MIER3: variants seen among roughly 807,000 people sequenced by gnomAD.
MIER3 encodes the protein mesoderm induction early response protein 3.
Under a neutral mutation model 63.2 loss-of-function variants are expected in MIER3, and 9 were observed. That is an observed-to-expected ratio of 0.14 (90% CI 0.09 to 0.25). The LOEUF is 0.25. MIER3 is among the 10% of genes least tolerant of loss of function. MIER3 has a pLI of 1.00. For synonymous variants in MIER3, 205 were observed against 224.9 expected (o/e 0.91, Z 0.79); for missense variants, 512 against 666.2 (o/e 0.77, Z 2.55).
Position 56,920,593 on chromosome 5 carries a change from C to G in MIER3, c.*2535G>C, listed in dbSNP as rs1252407246. 3 of 151,968 alleles carry G rather than the reference C, an allele frequency of 2.0e-5. No homozygotes were observed. Among genetic ancestry groups the G allele is most frequent in the Non-Finnish European group, 4.4e-5 (3 of 67,818 alleles). 9.4% of individuals were successfully genotyped at this position (151,968 alleles called of 1,614,324 possible). ...ATGCAATTCTTTTAATAAACAGTAA[C>G]AAATTCTCTGTTAAGATGTTTAAAC... On this transcript the variant is annotated 3_prime_UTR_variant, in exon 13 of 13. Coordinates refer to ENST00000381199, the MANE Select transcript of MIER3 (RefSeq NM_001297599.2).
chr5:56,941,022 T>C, intron 3 of MIER3: 1 of 985,256 alleles, frequency 1.0e-6, no homozygotes. Flanking sequence ...ATGGTCCACC[T>C]TCCCATCATT....
At chr5:56,951,127 G>T (rs574280668) in intron 1 of MIER3, among the ~76,000 whole-genome samples, 1 of 152,140 alleles carries the variant, frequency 6.6e-6, no homozygotes, top group Non-Finnish European at 1.5e-5. Context: ...CTCCGAAGCC[G>T]ATCTCTTCCC....
In MIER3 at chr5:56,947,057, A is replaced by G. The variant is rs1313473322; in HGVS notation, c.49T>C (p.Ser17Pro). The part of the protein sequence containing the change: ...GSSSPVGSLS[S>P]EDHDFDPTAE... ...GTGGGGTCAAAATCATGATCCTCAG[A>G]AGACAAAGACCCAACTGGAATAAAA... The change falls in exon 3 of 13, where the codon TCT (serine) becomes CCT (proline). Residue 17 changes from serine to proline, a missense_variant. This residue lies in a region of MIER3 where 98 missense variants were observed against 107.4 expected (regional missense o/e 0.91). Transcript: ENST00000381199. 6.2e-7 allele frequency: 1 copy of G among 1,607,438 alleles called. No homozygotes were observed. The highest frequency in any genetic ancestry group is 1.7e-5 in the Admixed American group (1 of 58,352).
chr5:56,932,686 G>A (rs73136984), intron 8 of MIER3, among the ~76,000 whole-genome samples: 15 of 152,258 alleles, frequency 9.9e-5, no homozygotes, highest in African/African-American at 3.6e-4. Context: ...AGAGTATTCT[G>A]AATCTACAGG....
chr5:56,933,146 A>G, intron 8 of MIER3, 101 bp downstream of exon 8: 1 of 1,261,394 alleles, frequency 7.9e-7, no homozygotes, highest in Non-Finnish European at 1.1e-6. Context: ...CTCTTATCAG[A>G]AAAGATATCT....
At chr5:56,925,278 GAAAT>G (rs1329664329) in intron 10 of MIER3, 2 of 442,648 alleles carry the variant, frequency 4.5e-6, no homozygotes, top group East Asian at 7.1e-5. Flanking sequence ...ACAAGAAAAA[GAAAT>G]AAAAAGTATA....
chr5:56,940,316 T>C (rs1750598807), intron 3 of MIER3, among the ~76,000 whole-genome samples: 1 of 152,244 alleles, frequency 6.6e-6, no homozygotes, highest in Non-Finnish European at 1.5e-5. Flanking sequence ...TAGTTTTCCC[T>C]TTAAAATAAA....
chr5:56,928,246 A>G (rs1750095381), intron 10 of MIER3: 1 of 152,266 alleles, frequency 6.6e-6, no homozygotes, highest in South Asian at 2.1e-4. Context: ...TTATACGGTA[A>G]GAGTATGGTT....
intron 3 of MIER3, among the ~76,000 whole-genome samples, chr5:56,945,356 G>A (rs1006359635): frequency 8.5e-5 from 13 of 152,108 alleles, no homozygotes; most frequent in African/African-American, 2.4e-4. Flanking sequence ...CCAACTACTC[G>A]GGAGGCTGAG....
intron 2 of MIER3, among the ~76,000 whole-genome samples, chr5:56,947,714 C>T (rs1750874262): frequency 6.6e-6 from 1 of 152,196 alleles, no homozygotes; most frequent in African/African-American, 2.4e-5. Context: ...CTTTGCTTTA[C>T]TTTGGATTAC....
At chr5:56,949,110 C>T (rs752828370) in intron 2 of MIER3, among the ~76,000 whole-genome samples, 22 of 152,164 alleles carry the variant, frequency 1.4e-4, no homozygotes, top group Non-Finnish European at 2.4e-4. Flanking sequence ...AATCCCAGCA[C>T]TTTGGGAGGC....
chr5:56,942,478 C>G (rs1212490399), intron 3 of MIER3, among the ~76,000 whole-genome samples: 1 of 152,046 alleles, frequency 6.6e-6, no homozygotes, highest in African/African-American at 2.4e-5. Flanking sequence ...GATTTCTGGC[C>G]TGAGAAGTTA....
chr5:56,947,115 A>G lies in MIER3; in HGVS notation c.35-44T>C, dbSNP rs1421138674. Reference sequence around the variant, plus strand: ...AATCACTTTACACATTTACAAGGCTATTAACAAAAGAAAATAAAAATTTGT... The same window carrying G: ...AATCACTTTACACATTTACAAGGCTGTTAACAAAAGAAAATAAAAATTTGT... On this transcript the variant is annotated intron_variant, in intron 2 of 12. Transcript: ENST00000381199. 1.9e-6 allele frequency: 3 copies of G among 1,556,658 alleles called. No individual in the cohort carries two copies. In the African/African-American group the frequency reaches 4.2e-5, roughly 22 times the overall value.
At chr5:56,941,958 C>A (rs896415598) in intron 3 of MIER3, among the ~76,000 whole-genome samples, 1 of 151,976 alleles carries the variant, frequency 6.6e-6, no homozygotes, top group African/African-American at 2.4e-5. Flanking sequence ...TGAGCAATTG[C>A]CTAGATGGTG....
chr5:56,934,404 C>G (rs922939377), intron 7 of MIER3, among the ~76,000 whole-genome samples: 1 of 152,178 alleles, frequency 6.6e-6, no homozygotes, highest in Non-Finnish European at 1.5e-5. Flanking sequence ...TTTATTCCCT[C>G]AAAAGACAGA....
intron 10 of MIER3, chr5:56,925,380 C>T (rs976606768): frequency 2.9e-5 from 13 of 451,806 alleles, no homozygotes; most frequent in African/African-American, 1.6e-4. Flanking sequence ...AACAAAAAAT[C>T]GCCTGTAACT....
chr5:56,931,555 ATTCAT>A (rs1276652608), intron 8 of MIER3, among the ~76,000 whole-genome samples: 1 of 152,138 alleles, frequency 6.6e-6, no homozygotes, highest in Non-Finnish European at 1.5e-5. Flanking sequence ...AGTATCTGAT[ATTCAT>A]TTCTAATTTT....
At chr5:56,950,576 A>G in intron 2 of MIER3, 52 bp downstream of exon 2, 2 of 1,591,328 alleles carry the variant, frequency 1.3e-6, no homozygotes, top group Non-Finnish European at 8.6e-7. Context: ...CAGACCTTTG[A>G]GCCCACATTA....
intron 4 of MIER3, 88 bp from the exon 5 acceptor site, chr5:56,937,786 A>C (rs937102208): frequency 8.5e-7 from 1 of 1,181,240 alleles, no homozygotes; most frequent in Non-Finnish European, 1.1e-6. Context: ...TATCATTAAG[A>C]AGCAGTTGGA....
Sources: gnomAD v4.1 joint callset for allele counts (sites outside exome capture counted in the v4.1 genomes callset) on GRCh38, gnomAD v4.1.1 for gene constraint, gnomAD v4.1.1 regional missense constraint, MANE v1.5 for transcripts, NCBI Gene and HGNC (gene_info 2026-07-23, HGNC 2026-07-21) for gene names.